The following PIWIL3 variants were observed in gnomAD, a reference collection of about 807,000 sequenced individuals.
PIWIL3 encodes the protein piwi-like protein 3.
Under a neutral mutation model 109.7 loss-of-function variants are expected in PIWIL3, and 101 were observed. That is an observed-to-expected ratio of 0.92 (90% CI 0.78 to 1.09). PIWIL3 has a LOEUF of 1.09. Among genes scored for constraint, PIWIL3 ranks in the 50% least tolerant of loss-of-function variants. The probability of loss-of-function intolerance (pLI) is 0.00; values close to 1 mark genes in which losing one functional copy is unlikely to be tolerated. For missense variants in PIWIL3, 1,031 were observed against 1,072.6 expected (o/e 0.96, Z 0.54); for synonymous variants, 373 against 376.4 (o/e 0.99, Z 0.10).
At chr22:24,768,185 G>T (rs1347801436) in intron 1 of PIWIL3, among the ~76,000 whole-genome samples, 1 of 152,076 alleles carries the variant, frequency 6.6e-6, no homozygotes, top group East Asian at 1.9e-4. Flanking sequence ...ATCACAAAAA[G>T]AATCCTATAT....
chr22:24,735,834 TTAAG>T lies in PIWIL3; in HGVS notation c.1504_1507del (p.Leu502MetfsTer23), dbSNP rs777198774. 9 of 1,613,386 alleles carry T rather than the reference TTAAG, an allele frequency of 5.6e-6. No individual in the cohort carries two copies. Among genetic ancestry groups the T allele is most frequent in the African/African-American group, 2.7e-5 (2 of 74,916 alleles). On this transcript the variant is annotated frameshift_variant, in exon 13 of 21. Coordinates refer to ENST00000616349, the MANE Select transcript of PIWIL3 (RefSeq NM_001255975.1). LOFTEE classifies it high-confidence loss of function. Reference sequence around the variant, plus strand: ...GAGCCAACTATGTAGTGGCATTGCATTAAGTAAGGGTAATTCTCTTATTTCTCTT... The same window carrying T: ...GAGCCAACTATGTAGTGGCATTGCATTAAGGGTAATTCTCTTATTTCTCTT...
Position 24,719,514 on chromosome 22 carries a change from C to G in PIWIL3, c.2580G>C (p.Gln860His). ...LAYLVGQSIH[Q>H]EPNRSLSTRL... is the part of the protein sequence containing the mutation. ...GAGTTGACAAGGAACGATTCGGTTC[C>G]TGGTGAATGGACTGCCCCACGAGGT... The change falls in exon 21 of 21, where the codon CAG becomes CAC. Residue 860 changes from glutamine to histidine, a missense_variant. Coordinates refer to ENST00000616349, the MANE Select transcript of PIWIL3 (RefSeq NM_001255975.1). The G allele has an allele frequency of 6.2e-7, 1 of 1,605,644 alleles. No individual in the cohort carries two copies. The highest frequency in any genetic ancestry group is 1.1e-5 in the South Asian group (1 of 89,200).
At chr22:24,728,140 GAAGT>G (rs1211595814) in intron 15 of PIWIL3, 33 bp downstream of exon 15, 1 of 1,609,544 alleles carries the variant, frequency 6.2e-7, no homozygotes, top group Admixed American at 1.7e-5. Context: ...AGTTTTATTA[GAAGT>G]AAGTTAAACG....
At chr22:24,755,972 G>A (rs918719550) in intron 5 of PIWIL3, 67 bp from the exon 6 acceptor site, 20 of 1,532,420 alleles carry the variant, frequency 1.3e-5, no homozygotes, top group Admixed American at 3.6e-5. Context: ...TTCATTGCAC[G>A]GCAAATCACC....
intron 19 of PIWIL3, among the ~76,000 whole-genome samples, chr22:24,720,921 G>A (rs1437753991): frequency 6.6e-6 from 1 of 152,124 alleles, no homozygotes; most frequent in Non-Finnish European, 1.5e-5. Flanking sequence ...CTTTTTCTAT[G>A]TAAGTGCTAT....
In PIWIL3 at chr22:24,735,722, C is replaced by T; in HGVS notation, c.1620G>A (p.Met540Ile). The change falls in exon 13 of 21, where the codon ATG (methionine) becomes ATA (isoleucine). Residue 540 changes from methionine (M) to isoleucine (I), a missense_variant. Transcript: ENST00000616349. ...GCTCTACTTACATTTCTGCTGGTTT[C>T]ATAGTTATGCCCATGGGGGCTGTGA... ...QSVTAPMGIT[M>I]KPAEMIEVDG... The T allele has an allele frequency of 6.3e-7, 1 of 1,594,902 alleles. No homozygotes were observed. The highest frequency in any genetic ancestry group is 8.5e-7 in the Non-Finnish European group (1 of 1,174,990).
At chr22:24,744,207 A>AAAAAAAAC (rs1569103685) in intron 12 of PIWIL3, among the ~76,000 whole-genome samples, 4 of 135,148 alleles carry the variant, frequency 3.0e-5, no homozygotes, top group Middle Eastern at 3.9e-3. Flanking sequence ...AAAAAAAAAA[A>AAAAAAAAC]CAATGATCTG....
rs140531011 is a variant in PIWIL3 at position 24,764,625 on chromosome 22, CGTGTGTGTGT to C, written c.-22-2114_-22-2105del. Among the ~76,000 whole-genome samples the C allele has an allele frequency of 1.0e-3, 140 of 134,684 alleles. 1 individual carries two copies. Among genetic ancestry groups the C allele is most frequent in the East Asian group, 2.1e-3 (9 of 4,368 alleles). The allele number at this position is 134,684 out of a possible 152,430, so 88.4% of individuals were successfully genotyped here. On this transcript the variant is annotated intron_variant, in intron 1 of 20. Transcript: ENST00000616349. ...TTTCTGTCATTCTTTTTGACCTTGC[CGTGTGTGTGT>C]GTGTGTGTGTGTGTGTGTGTGTGTG...
chr22:24,724,879 C>T lies in PIWIL3; in HGVS notation c.2231+8G>A, dbSNP rs371214599. On this transcript the variant is annotated splice_region_variant and intron_variant, in intron 18 of 20. Transcript: ENST00000616349. ...GAGTCACTACACATTACAATTAATA[C>T]AACCTACTTGTTAGGAGAGATGGTT... is the stretch of plus-strand genomic sequence containing the variant. 6.2e-6 allele frequency: 10 copies of T among 1,611,582 alleles called. No individual in the cohort carries two copies. The highest frequency in any genetic ancestry group is 8.5e-6 in the Non-Finnish European group (10 of 1,178,670).
chr22:24,720,277 T>G (rs1375096833), intron 19 of PIWIL3, among the ~76,000 whole-genome samples: 1 of 144,418 alleles, frequency 6.9e-6, no homozygotes, highest in Non-Finnish European at 1.5e-5. Context: ...TTTTTTTTTT[T>G]TTTTTTTTTT....
rs1304795227 is a variant in PIWIL3, at chr22:24,730,590, G to T, written c.1708-2216C>A. Among the ~76,000 whole-genome samples, 8 of 151,942 alleles carry T rather than the reference G, an allele frequency of 5.3e-5. No homozygotes were observed. In the South Asian group the frequency reaches 6.2e-4, roughly 12 times the overall value. ...TATACAACTGTGGTCAAATGTTTGG[G>T]TTATCTGGATGATGGGTATACAGGG... On this transcript the variant is annotated intron_variant, in intron 14 of 20. Coordinates refer to ENST00000616349, the MANE Select transcript of PIWIL3 (RefSeq NM_001255975.1).
At chr22:24,770,861 AAAAG>A (rs995253217) in intron 1 of PIWIL3, among the ~76,000 whole-genome samples, 1 of 151,578 alleles carries the variant, frequency 6.6e-6, no homozygotes, top group South Asian at 2.1e-4. Context: ...TAAATAAATA[AAAAG>A]AAAGAAAGAA....
chr22:24,754,061 G>C lies in PIWIL3; in HGVS notation c.930C>G (p.Ile310Met), dbSNP rs1219420520. The stretch of plus-strand genomic sequence containing the variant: ...TTAATTTATTAGTTACTTCCTCTCG[G>C]ATGTTTCCTGTCTGGGCCTGGGCAG... ...RTSAQAQTGN[I>M]REEVTNKLIG... The change falls in exon 8 of 21, where the codon ATC becomes ATG. Residue 310 changes from isoleucine (I) to methionine (M), a missense_variant. Ile to Met is a conservative substitution (Grantham distance 10). Coordinates refer to ENST00000616349, the MANE Select transcript of PIWIL3 (RefSeq NM_001255975.1). The C allele has an allele frequency of 1.2e-6, 2 of 1,612,424 alleles. No homozygotes were observed. Among genetic ancestry groups the C allele is most frequent in the Non-Finnish European group, 1.7e-6 (2 of 1,178,468 alleles).
At chr22:24,757,615 TACAC>T (rs139481317) in intron 4 of PIWIL3, among the ~76,000 whole-genome samples, 56 of 79,492 alleles carry the variant, frequency 7.0e-4, no homozygotes, top group Non-Finnish European at 1.2e-3. Flanking sequence ...AAAATTTACA[TACAC>T]ACACACACAC....
chr22:24,747,160 C>A (rs931701976), intron 12 of PIWIL3, among the ~76,000 whole-genome samples: 1 of 152,030 alleles, frequency 6.6e-6, no homozygotes, highest in Non-Finnish European at 1.5e-5. Context: ...AAATAGAGAA[C>A]CCAAAAATAA....
At chr22:24,773,700 T>C (rs1231673370) in intron 1 of PIWIL3, among the ~76,000 whole-genome samples, 2 of 144,168 alleles carry the variant, frequency 1.4e-5, no homozygotes, top group African/African-American at 2.6e-5. Context: ...CAAGACACTC[T>C]AGATTTTTTT....
chr22:24,723,998 A>G (rs1466432397), intron 18 of PIWIL3, among the ~76,000 whole-genome samples: 1 of 152,146 alleles, frequency 6.6e-6, no homozygotes, highest in Non-Finnish European at 1.5e-5. Flanking sequence ...TTCTATGAGT[A>G]TCTGAATTTA....
intron 14 of PIWIL3, among the ~76,000 whole-genome samples, chr22:24,730,092 C>T (rs968496784): frequency 3.3e-5 from 5 of 151,966 alleles, no homozygotes; most frequent in African/African-American, 7.2e-5. Context: ...ACCGGCTGGG[C>T]GCAGAGGCTT....
At chr22:24,724,591 C>T (rs1311820859) in intron 18 of PIWIL3, among the ~76,000 whole-genome samples, 1 of 151,988 alleles carries the variant, frequency 6.6e-6, no homozygotes, top group Non-Finnish European at 1.5e-5. Context: ...TGCACCACCA[C>T]GCCCGGCTAA....
Sources: gnomAD v4.1 joint callset for allele counts (sites outside exome capture counted in the v4.1 genomes callset) on GRCh38, gnomAD v4.1.1 for gene constraint, MANE v1.5 for transcripts, NCBI Gene and HGNC (gene_info 2026-07-23, HGNC 2026-07-21) for gene names.